PCDH11X: variants seen among roughly 807,000 people sequenced by gnomAD.
PCDH11X encodes the protein protocadherin 11 X-linked, also known as protocadherin-11 X-linked.
A neutral mutation model predicts 53.3 loss-of-function variants in PCDH11X; 18 were observed. The observed-to-expected ratio is 0.34, with a 90% CI of 0.23 to 0.50. PCDH11X has a LOEUF of 0.50. PCDH11X is among the 20% of genes least tolerant of loss of function. The pLI, the probability that PCDH11X is intolerant of heterozygous loss-of-function variation, is 0.98. For synonymous variants in PCDH11X, 279 were observed against 393.3 expected, an observed-to-expected ratio of 0.71 and a Z score of 3.44; for missense variants, 570 against 1,032.4, an observed-to-expected ratio of 0.55 and a Z score of 6.14.
intron 1 of PCDH11X, among the ~76,000 whole-genome samples, chrX:91,806,691 G>A (rs1168671958): frequency 8.9e-6 from 1 of 112,354 alleles, no homozygotes; most frequent in African/African-American, 3.2e-5. Context: ...CTGGAATGTG[G>A]TACTTGACCA....
intron 8 of PCDH11X, among the ~76,000 whole-genome samples, chrX:92,317,068 C>T (rs1018254364): frequency 2.7e-5 from 3 of 111,033 alleles, no homozygotes; most frequent in Admixed American, 9.6e-5. Context: ...TAAAACTGTT[C>T]GTTTTTAAAC....
intron 6 of PCDH11X, among the ~76,000 whole-genome samples, chrX:92,052,202 G>A (rs2063377354): frequency 9.0e-6 from 1 of 111,457 alleles, no homozygotes; most frequent in South Asian, 3.7e-4. Context: ...AAATTTAGAT[G>A]CCTTATGACT....
chrX:92,572,114 C>T (rs752929140), intron 10 of PCDH11X, among the ~76,000 whole-genome samples: 1 of 112,114 alleles, frequency 8.9e-6, no homozygotes, highest in African/African-American at 3.2e-5. Context: ...ATGCTGATTA[C>T]ATTAATTGTA....
At chrX:92,296,404 C>G (rs764689944) in intron 8 of PCDH11X, among the ~76,000 whole-genome samples, 1 of 106,662 alleles carries the variant, frequency 9.4e-6, no homozygotes, top group South Asian at 4.6e-4. Context: ...CCCCGACCCA[C>G]CACCCTCAAG....
chrX:92,256,171 A>G (rs759870224), intron 7 of PCDH11X, among the ~76,000 whole-genome samples: 1 of 112,092 alleles, frequency 8.9e-6, no homozygotes, highest in South Asian at 3.7e-4. Flanking sequence ...AAAGCGCAGT[A>G]TTCGGGTGGG....
chrX:91,923,850 A>G (rs960015145), intron 6 of PCDH11X, among the ~76,000 whole-genome samples: 11 of 111,031 alleles, frequency 9.9e-5, no homozygotes, highest in Non-Finnish European at 1.3e-4. Context: ...TTAAGTACAC[A>G]TAGACATAAA....
chrX:92,314,203 A>C (rs1483996895), intron 8 of PCDH11X, among the ~76,000 whole-genome samples: 1 of 112,061 alleles, frequency 8.9e-6, no homozygotes, highest in East Asian at 2.8e-4. Flanking sequence ...CATTCTATAG[A>C]CTTTTTCTGT....
chrX:92,198,702 C>T (rs958016399), intron 6 of PCDH11X, among the ~76,000 whole-genome samples: 4 of 110,951 alleles, frequency 3.6e-5, no homozygotes, highest in African/African-American at 1.3e-4. Context: ...TTATTATTTT[C>T]ATGAAAGACT....
chrX:92,576,718 T>C (rs983888357), intron 10 of PCDH11X, among the ~76,000 whole-genome samples: 2 of 108,979 alleles, frequency 1.8e-5, no homozygotes, highest in Non-Finnish European at 3.8e-5. Flanking sequence ...CTTAATTTTG[T>C]TTGCCTGTTT....
intron 10 of PCDH11X, among the ~76,000 whole-genome samples, chrX:92,551,718 T>C (rs1318541936): frequency 1.8e-5 from 2 of 111,110 alleles, no homozygotes; most frequent in Non-Finnish European, 3.8e-5. Context: ...CCATTTTGAT[T>C]TTATTTTTGT....
chrX:91,875,449 ATT>A (rs547202071), intron 5 of PCDH11X, among the ~76,000 whole-genome samples: 1 of 99,934 alleles, frequency 1.0e-5, no homozygotes, highest in African/African-American at 3.7e-5. Flanking sequence ...CGCCAGGCTA[ATT>A]TTTTTTTTTT....
Position 92,443,669 on chromosome X carries a change from A to T in PCDH11X, c.3344-24630A>T, listed in dbSNP as rs370242334. Among the ~76,000 whole-genome samples, 36 of 110,742 alleles carry T rather than the reference A, an allele frequency of 3.3e-4. No individual in the cohort carries two copies. The East Asian group carries it at 8.9e-3, about 27-fold the overall frequency. Reference sequence around the variant, plus strand: ...TCTTATAGTTAGAGGTTTTACATTTAAACCTTCAACTTATCTTGAGTTAAT... The same window carrying T: ...TCTTATAGTTAGAGGTTTTACATTTTAACCTTCAACTTATCTTGAGTTAAT... On this transcript the variant is annotated intron_variant, in intron 9 of 10. Transcript: ENST00000682573.
chrX:92,233,154 A>G (rs929099312), intron 7 of PCDH11X, among the ~76,000 whole-genome samples: 1 of 111,179 alleles, frequency 9.0e-6, no homozygotes, highest in East Asian at 2.8e-4. Context: ...ACTCTTAGGT[A>G]ATAATTCTTA....
At chrX:92,313,464 T>C (rs2068999569) in intron 8 of PCDH11X, among the ~76,000 whole-genome samples, 1 of 111,386 alleles carries the variant, frequency 9.0e-6, no homozygotes, top group Non-Finnish European at 1.9e-5. Context: ...TTTCTTGTGG[T>C]CCTTACATTT....
At chrX:92,582,584 C>G (rs1189498560) in intron 10 of PCDH11X, among the ~76,000 whole-genome samples, 1 of 111,064 alleles carries the variant, frequency 9.0e-6, no homozygotes, top group East Asian at 2.8e-4. Flanking sequence ...TTGAGAACCT[C>G]TGCTAGAGCA....
chrX:92,166,735 A>C (rs1483596701), intron 6 of PCDH11X, among the ~76,000 whole-genome samples: 1 of 109,180 alleles, frequency 9.2e-6, no homozygotes, highest in Admixed American at 1.0e-4. Flanking sequence ...TTGTTTCTAC[A>C]AAAATTTTAA....
chrX:91,922,511 G>A (rs1163710909), intron 6 of PCDH11X, among the ~76,000 whole-genome samples: 6 of 111,698 alleles, frequency 5.4e-5, no homozygotes, highest in African/African-American at 2.0e-4. Context: ...GGTCAGTGGC[G>A]GGCAAAGAAA....
At chrX:91,883,469 A>C (rs2147745113) in intron 6 of PCDH11X, 1 of 752,512 alleles carries the variant, frequency 1.3e-6, no homozygotes, top group Admixed American at 8.8e-5. Context: ...TCACTAACAT[A>C]ATATTGCTGA....
intron 6 of PCDH11X, among the ~76,000 whole-genome samples, chrX:91,963,405 C>CT (rs1342945378): frequency 9.3e-6 from 1 of 107,443 alleles, no homozygotes; most frequent in Non-Finnish European, 1.9e-5. Flanking sequence ...TGCCACCAGT[C>CT]TGTTTGCTAG....
Sources: gnomAD v4.1 joint callset for allele counts (sites outside exome capture counted in the v4.1 genomes callset) on GRCh38, gnomAD v4.1.1 for gene constraint, MANE v1.5 for transcripts, NCBI Gene and HGNC (gene_info 2026-07-23, HGNC 2026-07-21) for gene names.